MNAT1: variants seen among roughly 807,000 people sequenced by gnomAD.
The protein encoded by MNAT1 is MNAT1 component of CDK activating kinase, also known as CDK-activating kinase assembly factor MAT1.
Under a neutral mutation model 42.0 loss-of-function variants are expected in MNAT1, and 43 were observed. The observed-to-expected ratio is 1.02, with a 90% CI of 0.80 to 1.32. MNAT1 has a LOEUF of 1.32. Ranked by LOEUF, MNAT1 falls within the 40% of genes most tolerant of loss-of-function variation. The pLI is 0.00. For missense variants in MNAT1, 306 were observed against 350.4 expected (o/e 0.87, Z 1.01); for synonymous variants, 118 against 120.0 (o/e 0.98, Z 0.11).
chr14:60,963,491 T>C (rs1311572582), intron 7 of MNAT1, among the ~76,000 whole-genome samples: 1 of 152,228 alleles, frequency 6.6e-6, no homozygotes, highest in Non-Finnish European at 1.5e-5. Flanking sequence ...GAGCGCACTG[T>C]TGCTCTGGTT....
chr14:60,928,056 A>G (rs2035801584), intron 7 of MNAT1, among the ~76,000 whole-genome samples: 3 of 152,206 alleles, frequency 2.0e-5, no homozygotes. Flanking sequence ...AGACTTGGGC[A>G]ACCACTTAGC....
Position 60,943,873 on chromosome 14 carries a change from G to A in MNAT1, c.810-24356G>A, listed in dbSNP as rs183554693. Among the ~76,000 whole-genome samples the A allele has an allele frequency of 9.6e-3, 1,455 of 152,196 alleles. 10 individuals carry two copies. Among genetic ancestry groups the A allele is most frequent in the Admixed American group, 0.013 (204 of 15,274 alleles). ...CCTTCTCAAGCAATGAATTTTCCAG[G>A]ATTAATTATAACCGAAGCAAGATTT... On this transcript the variant is annotated intron_variant, in intron 7 of 7. Coordinates refer to ENST00000261245, the MANE Select transcript of MNAT1 (RefSeq NM_002431.4).
chr14:60,757,933 A>G (rs2030427709), intron 1 of MNAT1, among the ~76,000 whole-genome samples: 1 of 152,208 alleles, frequency 6.6e-6, no homozygotes, highest in Non-Finnish European at 1.5e-5. Context: ...AGTATGGAAG[A>G]TAGACAAACA....
chr14:60,748,198 G>GAA (rs900772970), intron 1 of MNAT1, among the ~76,000 whole-genome samples: 3 of 136,370 alleles, frequency 2.2e-5, no homozygotes, highest in African/African-American at 2.7e-5. Context: ...CTCTGTCTCA[G>GAA]AAAAAAAAAA....
intron 7 of MNAT1, among the ~76,000 whole-genome samples, chr14:60,913,892 T>C (rs1054871622): frequency 9.9e-5 from 15 of 152,158 alleles, no homozygotes; most frequent in Middle Eastern, 3.4e-3. Context: ...AGGTTATTGC[T>C]CTTTTGTTTG....
At chr14:60,867,988 G>T (rs958351418) in intron 6 of MNAT1, among the ~76,000 whole-genome samples, 1 of 152,122 alleles carries the variant, frequency 6.6e-6, no homozygotes, top group Non-Finnish European at 1.5e-5. Context: ...TGCAGCTGCT[G>T]CAGTGATGAC....
intron 1 of MNAT1, among the ~76,000 whole-genome samples, chr14:60,770,901 A>G (rs1393718194): frequency 2.6e-5 from 4 of 152,140 alleles, no homozygotes; most frequent in Middle Eastern, 3.2e-3. Context: ...ATAGTATTCC[A>G]TTGTAGGACT....
At chr14:60,932,460 T>C (rs1488249680) in intron 7 of MNAT1, among the ~76,000 whole-genome samples, 1 of 151,992 alleles carries the variant, frequency 6.6e-6, no homozygotes, top group Non-Finnish European at 1.5e-5. Context: ...GGAGGTTTTT[T>C]CCCTCCTTTA....
intron 1 of MNAT1, among the ~76,000 whole-genome samples, chr14:60,787,006 C>T (rs377541648): frequency 2.0e-5 from 3 of 152,156 alleles, no homozygotes; most frequent in Non-Finnish European, 2.9e-5. Context: ...TTCCTTTCCC[C>T]GAAGTAGAAT....
chr14:60,837,097 G>A (rs1040345443), intron 6 of MNAT1, among the ~76,000 whole-genome samples: 4 of 152,302 alleles, frequency 2.6e-5, no homozygotes, highest in African/African-American at 4.8e-5. Context: ...GTCCCAGTTC[G>A]ACTTCAGACT....
At chr14:60,789,052 A>G (rs183168831) in intron 1 of MNAT1, among the ~76,000 whole-genome samples, 84 of 152,236 alleles carry the variant, frequency 5.5e-4, no homozygotes, top group East Asian at 5.0e-3. Flanking sequence ...CCTCCTCAGG[A>G]AGCTTGGTCA....
chr14:60,872,835 T>TACACACACAC (rs200338598), intron 6 of MNAT1, among the ~76,000 whole-genome samples: 6 of 146,952 alleles, frequency 4.1e-5, no homozygotes, highest in East Asian at 2.0e-4. Context: ...CACACACACA[T>TACACACACAC]ACACACACAC....
chr14:60,935,633 TA>T, intron 7 of MNAT1, among the ~76,000 whole-genome samples: 1 of 152,182 alleles, frequency 6.6e-6, no homozygotes, highest in East Asian at 1.9e-4. Context: ...AATTCAAAAA[TA>T]TATTATGGCT....
intron 6 of MNAT1, among the ~76,000 whole-genome samples, chr14:60,876,562 A>G (rs1438102871): frequency 1.2e-4 from 18 of 152,020 alleles, no homozygotes; most frequent in Non-Finnish European, 2.9e-5. Flanking sequence ...ACCTGTACCC[A>G]TGAAACACTA....
intron 1 of MNAT1, among the ~76,000 whole-genome samples, chr14:60,744,276 T>C (rs967452980): frequency 9.2e-5 from 14 of 152,198 alleles, no homozygotes; most frequent in African/African-American, 2.6e-4. Context: ...GGATTACAGG[T>C]GCCTGCTACC....
intron 6 of MNAT1, among the ~76,000 whole-genome samples, chr14:60,840,080 T>C (rs781563596): frequency 7.2e-5 from 11 of 152,248 alleles, no homozygotes; most frequent in African/African-American, 2.7e-4. Flanking sequence ...ACTTAGATTA[T>C]TGATTTGAGG....
At chr14:60,798,471 A>C (rs1322656166) in intron 3 of MNAT1, among the ~76,000 whole-genome samples, 1 of 152,190 alleles carries the variant, frequency 6.6e-6, no homozygotes, top group Non-Finnish European at 1.5e-5. Flanking sequence ...AGTTTAAATG[A>C]ATGGAAAACA....
intron 1 of MNAT1, among the ~76,000 whole-genome samples, chr14:60,752,911 C>T (rs757342620): frequency 5.5e-4 from 83 of 152,160 alleles, no homozygotes; most frequent in Non-Finnish European, 1.1e-3. Context: ...ATTACAGGTA[C>T]GCACCACCAT....
At chr14:60,855,522 A>G (rs2033935307) in intron 6 of MNAT1, among the ~76,000 whole-genome samples, 2 of 152,136 alleles carry the variant, frequency 1.3e-5, no homozygotes, top group Non-Finnish European at 2.9e-5. Flanking sequence ...GCTGGATAGC[A>G]CAGTCTCTCA....
Sources: allele counts gnomAD v4.1 joint callset (sites outside exome capture counted in the v4.1 genomes callset), GRCh38; gene constraint gnomAD v4.1.1; transcripts MANE v1.5; gene names NCBI Gene and HGNC (gene_info 2026-07-23, HGNC 2026-07-21).